The following ZBBX variants were observed in gnomAD, a reference collection of about 807,000 sequenced individuals.
ZBBX encodes zinc finger B-box domain-containing protein 1.
Under a neutral mutation model 108.5 loss-of-function variants are expected in ZBBX, and 101 were observed. The observed-to-expected ratio is 0.93, with a 90% CI of 0.79 to 1.10. The LOEUF is 1.10. Among genes scored for constraint, ZBBX ranks in the 50% least tolerant of loss-of-function variants. The probability of loss-of-function intolerance (pLI) is 0.00; values close to 1 mark genes in which losing one functional copy is unlikely to be tolerated. For missense variants in ZBBX, 1,009 were observed against 941.4 expected, an observed-to-expected ratio of 1.07 and a Z score of -0.94; for synonymous variants, 356 against 323.4, an observed-to-expected ratio of 1.10 and a Z score of -1.08.
chr3:167,218,094 G>A, the ZBBX span, among the ~76,000 whole-genome samples: 4 of 151,828 alleles, frequency 2.6e-5, no homozygotes, highest in African/African-American at 9.7e-5. Flanking sequence ...TGAACACAAA[G>A]GTGTCTTCTT....
In ZBBX at chr3:167,277,899, C is replaced by T. The variant is rs950567214; in HGVS notation, c.2254+4339G>A. Among the ~76,000 whole-genome samples the T allele has an allele frequency of 4.6e-4, 70 of 151,962 alleles. 1 individual carries two copies. Among genetic ancestry groups the T allele is most frequent in the African/African-American group, 1.6e-3 (67 of 41,380 alleles). ...AAGAACAGAAATTATAACAAACTAT[C>T]TCTCAGACCACAGTGCAATGAAACT... On this transcript the variant is annotated intron_variant, in intron 20 of 21. Transcript: ENST00000675490.
At position 167,380,251 on chromosome 3, in the gene ZBBX, A is replaced by T. The variant is rs1051678920; in HGVS notation, c.-291T>A. ...ACCCGCAGACAGACAACCCACCTGG[A>T]GACCCCAGCCTCTCGCGTCACCACC... On this transcript the variant is annotated 5_prime_UTR_variant, in exon 1 of 22. Coordinates refer to ENST00000675490, the MANE Select transcript of ZBBX (RefSeq NM_001199201.2). 6.6e-6 allele frequency: 1 copy of T among 152,314 alleles called. No homozygotes were observed. The highest frequency in any genetic ancestry group is 1.5e-5 in the Non-Finnish European group (1 of 68,132). 9.4% of individuals were successfully genotyped at this position (152,314 alleles called of 1,614,324 possible).
chr3:167,242,051 T>C (rs992877013), intron 21 of ZBBX, among the ~76,000 whole-genome samples: 3 of 152,176 alleles, frequency 2.0e-5, no homozygotes, highest in African/African-American at 7.2e-5. Flanking sequence ...GAAAGAATGA[T>C]ATCATACAAA....
At chr3:167,399,019 A>G (rs1748336222) in intron 1 of ZBBX, among the ~76,000 whole-genome samples, 1 of 150,824 alleles carries the variant, frequency 6.6e-6, no homozygotes, top group African/African-American at 2.4e-5. Flanking sequence ...CCCCCTCACC[A>G]TGTGATGCCC....
chr3:167,315,625 T>C, intron 15 of ZBBX, 125 bp downstream of exon 15: 1 of 657,412 alleles, frequency 1.5e-6, no homozygotes, highest in East Asian at 2.7e-5. Flanking sequence ...AAGTAAAATA[T>C]ACTCTGACAT....
chr3:167,402,721 G>C (rs1325144152), intron 1 of ZBBX, among the ~76,000 whole-genome samples: 2 of 151,112 alleles, frequency 1.3e-5, no homozygotes, highest in Non-Finnish European at 3.0e-5. Flanking sequence ...AATCTCAGCA[G>C]AGAATAAAAT....
chr3:167,276,106 A>G (rs1423791855), intron 20 of ZBBX, among the ~76,000 whole-genome samples: 4 of 152,328 alleles, frequency 2.6e-5, no homozygotes, highest in East Asian at 3.9e-4. Context: ...CAGAAAGGAC[A>G]TCCACACCAA....
At chr3:167,364,026 A>G (rs1360489276) in intron 6 of ZBBX, among the ~76,000 whole-genome samples, 2 of 151,974 alleles carry the variant, frequency 1.3e-5, no homozygotes, top group East Asian at 3.8e-4. Flanking sequence ...AGAGGCTTGG[A>G]AAGGTTAAGT....
chr3:167,246,411 C>G (rs1721579346), intron 20 of ZBBX, among the ~76,000 whole-genome samples: 1 of 152,184 alleles, frequency 6.6e-6, no homozygotes, highest in African/African-American at 2.4e-5. Flanking sequence ...AACCTATGAA[C>G]AGAGACTCCA....
chr3:167,239,663 C>T (rs1179787463), downstream of ZBBX, among the ~76,000 whole-genome samples: 2 of 151,978 alleles, frequency 1.3e-5, no homozygotes, highest in Admixed American at 1.3e-4. Flanking sequence ...GACTTCCAGT[C>T]AACCATAGGC....
chr3:167,182,502 CG>C, the ZBBX span, among the ~76,000 whole-genome samples: 1 of 152,218 alleles, frequency 6.6e-6, no homozygotes, highest in Non-Finnish European at 1.5e-5. Flanking sequence ...CCTCCTGAAG[CG>C]ATTTTTTCCT....
chr3:167,251,994 C>G (rs1176908335), intron 20 of ZBBX: 3 of 454,196 alleles, frequency 6.6e-6, no homozygotes, highest in Non-Finnish European at 7.5e-6. Flanking sequence ...GAATGGCACT[C>G]TGATATCAGC....
chr3:167,244,929 T>C (rs1721292564), intron 20 of ZBBX, among the ~76,000 whole-genome samples: 1 of 152,028 alleles, frequency 6.6e-6, no homozygotes, highest in Admixed American at 6.5e-5. Flanking sequence ...AAAACTGAAG[T>C]CATTTAAAAC....
chr3:167,355,982 T>A (rs927735155), intron 8 of ZBBX, among the ~76,000 whole-genome samples: 14 of 152,170 alleles, frequency 9.2e-5, no homozygotes, highest in African/African-American at 3.1e-4. Context: ...CTTCTTACTT[T>A]TCCTTCTTTC....
chr3:167,257,337 A>G (rs1723697652), intron 20 of ZBBX, among the ~76,000 whole-genome samples: 1 of 152,090 alleles, frequency 6.6e-6, no homozygotes, highest in Non-Finnish European at 1.5e-5. Flanking sequence ...TCTAAATTTA[A>G]CATCATTTAT....
rs561393637 is a variant in ZBBX, at chr3:167,359,317, C to T, written c.432+553G>A. Among the ~76,000 whole-genome samples the T allele has an allele frequency of 4.6e-5, 7 of 152,216 alleles. No individual in the cohort carries two copies. The East Asian group carries it at 1.4e-3, about 29-fold the overall frequency. On this transcript the variant is annotated intron_variant, in intron 8 of 21. Coordinates refer to ENST00000675490, the MANE Select transcript of ZBBX (RefSeq NM_001199201.2). ...ACTGATTGGAAAAGGCACATGAGAA[C>T]TTTCCAGGGTAAAGGTAATCTTCTA...
In ZBBX at chr3:167,316,008, G is replaced by A. The variant is rs1735391180; in HGVS notation, c.1195-179C>T. Among the ~76,000 whole-genome samples the A allele has an allele frequency of 2.6e-5, 4 of 151,986 alleles. No individual in the cohort carries two copies. In the South Asian group the frequency reaches 8.3e-4, roughly 32 times the overall value. ...AACTAAACAAATTCAACTGACATTGGTTGATATGTCAATTACTTTATCACT... is the reference window on the plus strand; with the variant it reads ...AACTAAACAAATTCAACTGACATTGATTGATATGTCAATTACTTTATCACT... On this transcript the variant is annotated intron_variant, in intron 14 of 21. Coordinates refer to ENST00000675490, the MANE Select transcript of ZBBX (RefSeq NM_001199201.2).
At chr3:167,224,678 A>T in the ZBBX span, among the ~76,000 whole-genome samples, 1 of 152,010 alleles carries the variant, frequency 6.6e-6, no homozygotes, top group Non-Finnish European at 1.5e-5. Flanking sequence ...GGGTAGTTTT[A>T]ACTCTGGCAA....
At chr3:167,268,716 A>G (rs903491824) in intron 20 of ZBBX, among the ~76,000 whole-genome samples, 2 of 152,162 alleles carry the variant, frequency 1.3e-5, no homozygotes, top group Non-Finnish European at 2.9e-5. Flanking sequence ...AAGAAGATAC[A>G]AAAATTAGAA....
Sources: allele counts gnomAD v4.1 joint callset (sites outside exome capture counted in the v4.1 genomes callset), GRCh38; gene constraint gnomAD v4.1.1; transcripts MANE v1.5; gene names NCBI Gene and HGNC (gene_info 2026-07-23, HGNC 2026-07-21).